The following ADGRV1 variants were observed in gnomAD, a reference collection of about 807,000 sequenced individuals.
ADGRV1 encodes G-protein coupled receptor 98.
Under a neutral mutation model 596.2 loss-of-function variants are expected in ADGRV1, and 359 were observed. The ratio of observed to expected loss-of-function variants is 0.60; its 90% CI spans 0.55 to 0.66. The LOEUF is 0.66. ADGRV1 is among the 30% of genes least tolerant of loss of function. The probability of loss-of-function intolerance (pLI) is 0.00; values close to 1 mark genes in which losing one functional copy is unlikely to be tolerated. For missense variants in ADGRV1, 7,274 were observed against 7,575.6 expected, an observed-to-expected ratio of 0.96 and a Z score of 1.48; for synonymous variants, 2,681 against 2,679.2, an observed-to-expected ratio of 1.00 and a Z score of -0.02.
intron 20 of ADGRV1, chr5:90,654,917 T>C (rs1360041873): frequency 6.6e-6 from 1 of 152,172 alleles, no homozygotes; most frequent in Non-Finnish European, 1.5e-5. Flanking sequence ...GGAATGAGAA[T>C]GGAAACGATT....
At chr5:91,130,659 A>G (rs1280841659) in intron 87 of ADGRV1, among the ~76,000 whole-genome samples, 8 of 152,092 alleles carry the variant, frequency 5.3e-5, no homozygotes, top group African/African-American at 1.9e-4. Context: ...TTCAGTGGGT[A>G]CATGTGCAGG....
chr5:90,893,551 C>A (rs1203727720), intron 83 of ADGRV1, among the ~76,000 whole-genome samples: 1 of 152,140 alleles, frequency 6.6e-6, no homozygotes, highest in Non-Finnish European at 1.5e-5. Flanking sequence ...TTTTAAGACT[C>A]TTGTGTAATC....
chr5:90,558,998 G>C, intron 1 of ADGRV1, 81 bp downstream of exon 1: 2 of 1,311,584 alleles, frequency 1.5e-6, no homozygotes, highest in Non-Finnish European at 2.0e-6. Flanking sequence ...TGTTGCTGCA[G>C]GTGGGCGGCG....
At chr5:90,693,206 C>T (rs987470970) in intron 32 of ADGRV1, among the ~76,000 whole-genome samples, 2 of 86,726 alleles carry the variant, frequency 2.3e-5, no homozygotes. Context: ...AAAACAGGAT[C>T]TTGGGAACTT....
At position 90,689,969 on chromosome 5, in the gene ADGRV1, C is replaced by G. The variant is rs771621314; in HGVS notation, c.6599C>G (p.Ser2200Cys). ...INDIYPELEE[S>C]FLVQLMNETT... The stretch of plus-strand genomic sequence containing the variant: ...GATATCTATCCTGAACTGGAAGAAT[C>G]TTTTCTTGTGCAACTGATGAATGAA... Residue 2200 changes from serine (S) to cysteine (C), a missense_variant, in exon 30 of 90, where the codon TCT becomes TGT. Physicochemically the swap from Ser to Cys is moderately radical, Grantham distance 112. Transcript: ENST00000405460. 5.1e-5 allele frequency: 82 copies of G among 1,610,772 alleles called. No individual in the cohort carries two copies. Among genetic ancestry groups the G allele is most frequent in the Non-Finnish European group, 6.5e-5 (76 of 1,178,192 alleles).
At chr5:90,723,145 G>A (rs182346064) in intron 45 of ADGRV1, among the ~76,000 whole-genome samples, 18 of 152,202 alleles carry the variant, frequency 1.2e-4, no homozygotes, top group Admixed American at 2.6e-4. Flanking sequence ...ATAGAAAGAT[G>A]GGGAATTAAT....
intron 85 of ADGRV1, among the ~76,000 whole-genome samples, chr5:91,068,445 G>A (rs199727658): frequency 3.3e-5 from 5 of 151,344 alleles, no homozygotes; most frequent in African/African-American, 7.3e-5. Flanking sequence ...CTTGAGCCTG[G>A]ATGACAGAGC....
chr5:90,912,138 A>C (rs1239880732), intron 83 of ADGRV1, among the ~76,000 whole-genome samples: 1 of 152,120 alleles, frequency 6.6e-6, no homozygotes, highest in Non-Finnish European at 1.5e-5. Flanking sequence ...TATTATCAGT[A>C]TGATTACGTG....
chr5:90,967,623 G>T lies in ADGRV1; in HGVS notation c.17973+2092G>T, dbSNP rs71637319. ...TTCAGAATTTTTGATTCATTACTTG[G>T]ATGAAAACACAGGAAATTGCTTATC... On this transcript the variant is annotated intron_variant, in intron 84 of 89. Transcript: ENST00000405460. Among the ~76,000 whole-genome samples the T allele has an allele frequency of 4.1e-3, 623 of 152,128 alleles. 2 individuals are homozygous for T. The highest frequency in any genetic ancestry group is 6.4e-3 in the Non-Finnish European group (432 of 68,006).
intron 83 of ADGRV1, among the ~76,000 whole-genome samples, chr5:90,950,526 T>C (rs1776970504): frequency 6.6e-6 from 1 of 152,122 alleles, no homozygotes; most frequent in Non-Finnish European, 1.5e-5. Flanking sequence ...TTTGCCCTGT[T>C]GGTCAGGCTG....
At chr5:90,842,859 A>G (rs1384492657) in intron 78 of ADGRV1, among the ~76,000 whole-genome samples, 3 of 152,228 alleles carry the variant, frequency 2.0e-5, no homozygotes, top group African/African-American at 4.8e-5. Flanking sequence ...TAAAAATAGT[A>G]TGATATAATG....
In ADGRV1 at chr5:90,647,271, C is replaced by T. The variant is rs576515947; in HGVS notation, c.3023-227C>T. On this transcript the variant is annotated intron_variant, in intron 16 of 89. Transcript: ENST00000405460. Reference sequence around the variant, plus strand: ...ATAGCATGCAATTTGCTGAGAAATTCGATGTTGAAGATAATGGATTTTTGT... The same window carrying T: ...ATAGCATGCAATTTGCTGAGAAATTTGATGTTGAAGATAATGGATTTTTGT... 5.3e-5 allele frequency among the ~76,000 whole-genome samples: 8 copies of T among 152,100 alleles called. No individual in the cohort carries two copies. In the East Asian group the frequency reaches 5.8e-4, roughly 11 times the overall value.
intron 87 of ADGRV1, among the ~76,000 whole-genome samples, chr5:91,115,120 T>A (rs1308715801): frequency 1.3e-5 from 2 of 152,208 alleles, no homozygotes; most frequent in Admixed American, 1.3e-4. Context: ...TCTGATGCCT[T>A]TCAACTCATT....
rs2150231961 is a variant in ADGRV1 at position 90,811,335 on chromosome 5, A to G, written c.16075A>G (p.Thr5359Ala). Residue 5359 changes from threonine to alanine, a missense_variant, in exon 74 of 90, where the codon ACA becomes GCA. By Grantham distance (58) the Thr-to-Ala change is moderately conservative. Around this residue, in one of 5 missense-constraint regions of ADGRV1, gnomAD observed 1,874 missense variants for 1,970.2 expected, o/e 0.95. Transcript: ENST00000405460. ...GFAAFAMVIITGSDLHNGIIG... is the reference protein window; with the variant it reads ...GFAAFAMVIIAGSDLHNGIIG... Reference sequence around the variant, plus strand: ...TGCAGCTTTTGCCATGGTTATTATTACAGGTATATCTTTGAAATGATGGAG... The same window carrying G: ...TGCAGCTTTTGCCATGGTTATTATTGCAGGTATATCTTTGAAATGATGGAG... The G allele has an allele frequency of 6.3e-7, 1 of 1,598,294 alleles. No individual in the cohort carries two copies. The highest frequency in any genetic ancestry group is 1.7e-4 in the Middle Eastern group (1 of 5,986).
chr5:91,023,214 ACT>A (rs1260537996), intron 85 of ADGRV1, among the ~76,000 whole-genome samples: 3 of 152,158 alleles, frequency 2.0e-5, no homozygotes, highest in African/African-American at 4.8e-5. Context: ...TATTAAAAAC[ACT>A]CTTGTGATTC....
Position 90,647,634 on chromosome 5 carries a change from T to G in ADGRV1, c.3159T>G (p.Ile1053Met), listed in dbSNP as rs777564929. The change falls in exon 17 of 90, where the codon ATT becomes ATG. Residue 1053 changes from isoleucine to methionine, a missense_variant. Physicochemically the swap from Ile to Met is conservative, Grantham distance 10. This residue lies in a region of ADGRV1 where 1,715 missense variants were observed against 1,708.8 expected (regional missense o/e 1.00). Transcript: ENST00000405460. Reference protein sequence around the residue: ...GKATARERDFIPVEKGETLIF... With the variant: ...GKATARERDFMPVEKGETLIF... The stretch of plus-strand genomic sequence containing the variant: ...CTACTGCAAGAGAGAGAGATTTCAT[T>G]CCTGTTGAAAAAGGAGAAACGCTCA... 2 of 1,613,952 alleles carry G rather than the reference T, an allele frequency of 1.2e-6. No individual in the cohort carries two copies. The highest frequency in any genetic ancestry group is 2.2e-5 in the South Asian group (2 of 91,070).
At position 90,643,829 on chromosome 5, in the gene ADGRV1, C is replaced by T; in HGVS notation, c.2580C>T (p.Leu860=). Residue 860 remains leucine, a synonymous_variant, in exon 14 of 90, where the codon CTC becomes CTT. Transcript: ENST00000405460. Reference sequence around the variant, plus strand: ...TGGATGAACACTACTGGGTGGTCCTCAGCAGCCACGGAGAACGGGAAAGCA... The same window carrying T: ...TGGATGAACACTACTGGGTGGTCCTTAGCAGCCACGGAGAACGGGAAAGCA... ...PELDEHYWVV[L]SSHGERESKL... is the part of the protein sequence containing the mutation. 6.2e-7 allele frequency: 1 copy of T among 1,609,372 alleles called. No individual in the cohort carries two copies. Among genetic ancestry groups the T allele is most frequent in the Non-Finnish European group, 8.5e-7 (1 of 1,177,448 alleles).
chr5:90,918,278 C>T (rs936372933), intron 83 of ADGRV1, among the ~76,000 whole-genome samples: 4 of 152,096 alleles, frequency 2.6e-5, no homozygotes, highest in Admixed American at 6.6e-5. Context: ...TTTCAGGAAG[C>T]CTGCAATGGT....
intron 87 of ADGRV1, among the ~76,000 whole-genome samples, chr5:91,107,126 G>T (rs774814490): frequency 6.6e-6 from 1 of 152,128 alleles, no homozygotes. Context: ...GGTGGAATCT[G>T]ATCATTTGCA....
Sources: allele counts gnomAD v4.1 joint callset (sites outside exome capture counted in the v4.1 genomes callset), GRCh38; gene constraint gnomAD v4.1.1; regional missense constraint gnomAD v4.1.1; transcripts MANE v1.5; gene names NCBI Gene and HGNC (gene_info 2026-07-23, HGNC 2026-07-21).